AREL1: variants seen among roughly 807,000 people sequenced by gnomAD.
AREL1 encodes the protein apoptosis-resistant E3 ubiquitin protein ligase 1.
In AREL1, 62 loss-of-function variants were observed where a neutral mutation model predicts 99.0. The observed-to-expected ratio is 0.63, with a 90% CI of 0.51 to 0.77. The LOEUF is 0.77. Among genes scored for constraint, AREL1 ranks in the 30% least tolerant of loss-of-function variants. The probability of loss-of-function intolerance (pLI) is 0.00; values close to 1 mark genes in which losing one functional copy is unlikely to be tolerated. For synonymous variants in AREL1, 380 were observed against 376.5 expected (o/e 1.01, Z -0.11); for missense variants, 879 against 1,027.6 (o/e 0.86, Z 1.98).
At chr14:74,697,305 T>C (rs7152804) in intron 1 of AREL1, among the ~76,000 whole-genome samples, 48,394 of 152,118 alleles carry the variant, frequency 0.32, 9,135 homozygotes, top group African/African-American at 0.53. Flanking sequence ...AAGACGTTTG[T>C]TTTGTAAGAT....
chr14:74,670,284 A>C, intron 13 of AREL1, 158 bp from the exon 14 acceptor site: 1 of 619,786 alleles, frequency 1.6e-6, no homozygotes, highest in South Asian at 3.1e-5. Flanking sequence ...ACCACTGAGT[A>C]ATTCAAAGTG....
Position 74,664,011 on chromosome 14 carries a change from G to T in AREL1, c.2257C>A (p.Gln753Lys). Residue 753 changes from glutamine to lysine, a missense_variant, in exon 19 of 20, where the codon CAG (glutamine) becomes AAG (lysine). Physicochemically the swap from Gln to Lys is moderately conservative, Grantham distance 53. Transcript: ENST00000356357. ...LTQEELARLL[Q>K]FTTGSSQLPP... is the part of the protein sequence containing the mutation. Reference sequence around the variant, plus strand: ...AGCTGAGAGGAGCCTGTTGTGAACTGAAGTAGCCGAGCCAACTCCTCCTGG... The same window carrying T: ...AGCTGAGAGGAGCCTGTTGTGAACTTAAGTAGCCGAGCCAACTCCTCCTGG... 1 of 1,614,166 alleles carries T rather than the reference G, an allele frequency of 6.2e-7. No homozygotes were observed. Among genetic ancestry groups the T allele is most frequent in the Non-Finnish European group, 8.5e-7 (1 of 1,180,026 alleles).
In AREL1 at chr14:74,700,634, G is replaced by T. The variant is rs2090067662; in HGVS notation, c.-333-8306C>A. Among the ~76,000 whole-genome samples, 5 of 152,262 alleles carry T rather than the reference G, an allele frequency of 3.3e-5. No individual in the cohort carries two copies. The South Asian group carries it at 1.0e-3, about 32-fold the overall frequency. ...TCTACTAAATATACAAAAAAAATTA[G>T]CCGGGCATGGTGGCACACGCCTGTA... On this transcript the variant is annotated intron_variant, in intron 1 of 19. Transcript: ENST00000356357.
intron 1 of AREL1, among the ~76,000 whole-genome samples, chr14:74,707,613 T>C (rs1218245551): frequency 6.6e-6 from 1 of 151,756 alleles, no homozygotes; most frequent in Non-Finnish European, 1.5e-5. Flanking sequence ...GGCTAACATG[T>C]GAAACCCCGT....
intron 5 of AREL1, 39 bp from the exon 6 acceptor site, chr14:74,676,791 TA>T (rs2089490660): frequency 7.0e-7 from 1 of 1,427,788 alleles, no homozygotes; most frequent in Non-Finnish European, 9.3e-7. Flanking sequence ...TTATTTATTT[TA>T]TTTTTTTATT....
intron 1 of AREL1, among the ~76,000 whole-genome samples, chr14:74,710,056 A>G (rs2090252070): frequency 6.6e-6 from 1 of 152,214 alleles, no homozygotes; most frequent in Non-Finnish European, 1.5e-5. Context: ...TTTTCCTCAC[A>G]AGTATGTGCC....
intron 5 of AREL1, among the ~76,000 whole-genome samples, chr14:74,679,657 T>C (rs1594764380): frequency 6.6e-6 from 1 of 151,462 alleles, no homozygotes; most frequent in South Asian, 2.1e-4. Context: ...CAAAACCCCA[T>C]CTCTACTAAA....
intron 1 of AREL1, among the ~76,000 whole-genome samples, chr14:74,703,109 C>T (rs968968806): frequency 6.6e-6 from 1 of 152,136 alleles, no homozygotes; most frequent in Non-Finnish European, 1.5e-5. Context: ...CGCCTCACTC[C>T]CAGTACCAAT....
At chr14:74,682,276 G>A (rs1168268265) in intron 5 of AREL1, among the ~76,000 whole-genome samples, 3 of 152,116 alleles carry the variant, frequency 2.0e-5, no homozygotes, top group African/African-American at 4.8e-5. Flanking sequence ...CACTCAGTAC[G>A]GTTTCACTTC....
chr14:74,699,457 G>A (rs899186793), intron 1 of AREL1, among the ~76,000 whole-genome samples: 5 of 152,098 alleles, frequency 3.3e-5, no homozygotes, highest in African/African-American at 4.8e-5. Context: ...ATAGAATGGC[G>A]TCCCATCCAG....
At chr14:74,712,060 A>AAAG (rs2090313824) in intron 1 of AREL1, 2 of 47,422 alleles carry the variant, frequency 4.2e-5, no homozygotes, top group African/African-American at 8.3e-5. Flanking sequence ...AAAAAAAAAA[A>AAAG]AAAAAAAGAA....
chr14:74,679,646 G>A (rs1013390059), intron 5 of AREL1, among the ~76,000 whole-genome samples: 2 of 151,964 alleles, frequency 1.3e-5, no homozygotes, highest in African/African-American at 4.8e-5. Context: ...GTCTAACAGG[G>A]CAAAACCCCA....
rs922650950 is a variant in AREL1, at chr14:74,662,514, C to T, written c.*1206G>A. The T allele has an allele frequency of 5.3e-5, 21 of 398,614 alleles. No homozygotes were observed. Among genetic ancestry groups the T allele is most frequent in the South Asian group, 3.8e-4 (3 of 7,858 alleles). 24.7% of individuals were successfully genotyped at this position (398,614 alleles called of 1,614,324 possible). A position where few individuals can be genotyped will look rare whatever the true frequency, so the allele number is the denominator to read the frequency against. The stretch of plus-strand genomic sequence containing the variant: ...GTTGTCATCTTCCAAGATACAGCAG[C>T]AGGTACTCTTCAATCATCATTCAAC... On this transcript the variant is annotated 3_prime_UTR_variant, in exon 20 of 20. Coordinates refer to ENST00000356357, the MANE Select transcript of AREL1 (RefSeq NM_001039479.2).
intron 9 of AREL1, 44 bp downstream of exon 9, chr14:74,673,990 G>A (rs1290090919): frequency 2.0e-6 from 3 of 1,511,198 alleles, no homozygotes; most frequent in Admixed American, 3.4e-5. Flanking sequence ...ATAGTCCAGA[G>A]ATGAAGCATG....
At chr14:74,707,342 T>C (rs1265708237) in intron 1 of AREL1, among the ~76,000 whole-genome samples, 1 of 150,808 alleles carries the variant, frequency 6.6e-6, no homozygotes, top group Non-Finnish European at 1.5e-5. Context: ...CACTCCAGCC[T>C]GGGTGACAAG....
chr14:74,665,994 A>G (rs1459441970), intron 17 of AREL1, among the ~76,000 whole-genome samples: 1 of 152,246 alleles, frequency 6.6e-6, no homozygotes, highest in Non-Finnish European at 1.5e-5. Flanking sequence ...AAAATTTACC[A>G]GTAGTTATTC....
Position 74,663,193 on chromosome 14 carries a change from G to A in AREL1, c.*527C>T, listed in dbSNP as rs930187887. On this transcript the variant is annotated 3_prime_UTR_variant, in exon 20 of 20. Transcript: ENST00000356357. ...TGGCCTATGCCTACCATTGTGCAGC[G>A]GGACTGCTCCTATGGGCCACCTCCT... 8 of 182,604 alleles carry A rather than the reference G, an allele frequency of 4.4e-5. No homozygotes were observed. Among genetic ancestry groups the A allele is most frequent in the African/African-American group, 1.9e-4 (8 of 43,038 alleles). 11.3% of individuals were successfully genotyped at this position (182,604 alleles called of 1,614,324 possible). A position where few individuals can be genotyped will look rare whatever the true frequency, so the allele number is the denominator to read the frequency against.
chr14:74,664,420 C>T (rs2089160851), intron 18 of AREL1, among the ~76,000 whole-genome samples: 1 of 149,636 alleles, frequency 6.7e-6, no homozygotes. Context: ...ACTGCTTTGA[C>T]TCCCCTACTT....
At position 74,663,580 on chromosome 14, in the gene AREL1, C is replaced by A; in HGVS notation, c.*140G>T. 1.1e-6 allele frequency: 1 copy of A among 904,980 alleles called. No individual in the cohort carries two copies. Among genetic ancestry groups the A allele is most frequent in the Non-Finnish European group, 1.8e-6 (1 of 560,760 alleles). The allele number at this position is 904,980 out of a possible 1,614,324, so 56.1% of individuals were successfully genotyped here. On this transcript the variant is annotated 3_prime_UTR_variant, in exon 20 of 20. Coordinates refer to ENST00000356357, the MANE Select transcript of AREL1 (RefSeq NM_001039479.2). ...AGGTAAAGACAAGGCTTGTAGGTGA[C>A]AAAATCCTCCAGACACAGGGGAGCA...
Sources: gnomAD v4.1 joint callset for allele counts (sites outside exome capture counted in the v4.1 genomes callset) on GRCh38, gnomAD v4.1.1 for gene constraint, MANE v1.5 for transcripts, NCBI Gene and HGNC (gene_info 2026-07-23, HGNC 2026-07-21) for gene names.